The following SYTL3 variants were observed in gnomAD, a reference collection of about 807,000 sequenced individuals.
The protein encoded by SYTL3 is synaptotagmin like 3.
In SYTL3, 88 loss-of-function variants were observed where a neutral mutation model predicts 82.1. The observed-to-expected ratio is 1.07, with a 90% CI of 0.90 to 1.28. The LOEUF (loss-of-function observed/expected upper bound fraction) is 1.28, where lower values mean the gene tolerates loss of function less well. SYTL3 is among the 50% of genes most tolerant of loss of function. SYTL3 has a pLI of 0.00. For missense variants in SYTL3, 831 were observed against 757.6 expected (o/e 1.10, Z -1.14); for synonymous variants, 311 against 289.4 (o/e 1.07, Z -0.76).
chr6:158,757,266 A>T lies in SYTL3; in HGVS notation c.1193A>T (p.His398Leu), dbSNP rs1190121278. Residue 398 changes from histidine (H) to leucine (L), a missense_variant, in exon 14 of 18, where the codon CAT becomes CTT. Coordinates refer to ENST00000611299, the MANE Select transcript of SYTL3 (RefSeq NM_001242394.2). ...CGGCAGCTGCAGGTCTCGGTGTGGCATCTGGGCACGCTGGCCCGGAGAGTG... is the reference window on the plus strand; with the variant it reads ...CGGCAGCTGCAGGTCTCGGTGTGGCTTCTGGGCACGCTGGCCCGGAGAGTG... ...VTRQLQVSVW[H>L]LGTLARRVFL... 1 of 1,612,774 alleles carries T rather than the reference A, an allele frequency of 6.2e-7. No homozygotes were observed. The highest frequency in any genetic ancestry group is 1.3e-5 in the African/African-American group (1 of 74,770).
At chr6:158,728,819 TC>T (rs1326021401) in intron 11 of SYTL3, among the ~76,000 whole-genome samples, 3 of 152,150 alleles carry the variant, frequency 2.0e-5, no homozygotes, top group Non-Finnish European at 4.4e-5. Flanking sequence ...GCCACTGCAC[TC>T]CAGCCTGGGT....
At chr6:158,725,261 C>G (rs1354762712) in intron 10 of SYTL3, among the ~76,000 whole-genome samples, 2 of 152,128 alleles carry the variant, frequency 1.3e-5, no homozygotes, top group Non-Finnish European at 2.9e-5. Context: ...ATGACTATCC[C>G]AAAGCTGGAT....
chr6:158,743,028 G>A (rs1298096918), intron 11 of SYTL3, among the ~76,000 whole-genome samples: 9 of 152,144 alleles, frequency 5.9e-5, no homozygotes, highest in African/African-American at 1.4e-4. Context: ...CCATGACTTC[G>A]TAGCCTTGAA....
At chr6:158,722,351 A>C (rs1275614735) in intron 10 of SYTL3, among the ~76,000 whole-genome samples, 1 of 151,948 alleles carries the variant, frequency 6.6e-6, no homozygotes, top group Admixed American at 6.6e-5. Flanking sequence ...TTCTAGAGAT[A>C]GGGTTTTACC....
rs1409270933 is a variant in SYTL3, at chr6:158,674,092, A to AATAATAATAATAATAAT, written c.329+8481_329+8497dup. Among the ~76,000 whole-genome samples, 30 of 120,988 alleles carry AATAATAATAATAATAAT rather than the reference A, an allele frequency of 2.5e-4. No homozygotes were observed. The East Asian group carries it at 3.0e-3, about 12-fold the overall frequency. The allele number at this position is 120,988 out of a possible 152,430, so 79.4% of individuals were successfully genotyped here. A position where few individuals can be genotyped will look rare whatever the true frequency, so the allele number is the denominator to read the frequency against. On this transcript the variant is annotated intron_variant, in intron 5 of 17. Transcript: ENST00000611299. ...TAGTGAGACTGTGTCTCAAAATAAT[A>AATAATAATAATAATAAT]ATAATAATAATAATAATAATAATAA...
At chr6:158,749,617 C>G (rs1788144295) in intron 12 of SYTL3, among the ~76,000 whole-genome samples, 1 of 144,650 alleles carries the variant, frequency 6.9e-6, no homozygotes, top group Non-Finnish European at 1.5e-5. Flanking sequence ...TCCCAAGTAG[C>G]TGGGATCACA....
chr6:158,704,260 T>C (rs1486209132), intron 6 of SYTL3, among the ~76,000 whole-genome samples: 3 of 152,226 alleles, frequency 2.0e-5, no homozygotes, highest in African/African-American at 7.2e-5. Flanking sequence ...GCTGCTGTCA[T>C]AGGGCGGAAT....
At chr6:158,659,498 G>A (rs1789106226) in intron 2 of SYTL3, among the ~76,000 whole-genome samples, 1 of 152,168 alleles carries the variant, frequency 6.6e-6, no homozygotes, top group African/African-American at 2.4e-5. Context: ...TGAGATTACA[G>A]GCATGTCCCA....
intron 6 of SYTL3, among the ~76,000 whole-genome samples, chr6:158,702,910 C>T (rs1054339109): frequency 2.6e-5 from 4 of 152,136 alleles, no homozygotes; most frequent in Middle Eastern, 6.8e-3. Flanking sequence ...ATCCCAGCAC[C>T]TTGGGAGGCC....
chr6:158,762,052 A>G (rs1319244660), intron 15 of SYTL3, 24 bp from the exon 16 acceptor site: 3 of 1,567,090 alleles, frequency 1.9e-6, no homozygotes, highest in Non-Finnish European at 2.6e-6. Context: ...ATGGTTTGAC[A>G]GTGAATACTG....
intron 6 of SYTL3, among the ~76,000 whole-genome samples, chr6:158,686,081 T>C (rs1157731288): frequency 6.6e-6 from 1 of 152,218 alleles, no homozygotes; most frequent in Non-Finnish European, 1.5e-5. Context: ...TGTGTGTTTG[T>C]GCACACACGT....
chr6:158,657,566 A>T (rs548462020), intron 2 of SYTL3, among the ~76,000 whole-genome samples: 3 of 152,336 alleles, frequency 2.0e-5, no homozygotes, highest in Middle Eastern at 3.4e-3. Context: ...ACCTAGGCAT[A>T]CTTTGTCTTG....
At chr6:158,729,430 T>A (rs1785123959) in intron 11 of SYTL3, among the ~76,000 whole-genome samples, 1 of 152,144 alleles carries the variant, frequency 6.6e-6, no homozygotes, top group Non-Finnish European at 1.5e-5. Context: ...CCCACCCTCA[T>A]GACTTATTCA....
intron 6 of SYTL3, among the ~76,000 whole-genome samples, chr6:158,687,337 A>G (rs1779404129): frequency 1.3e-5 from 2 of 152,168 alleles, no homozygotes; most frequent in African/African-American, 4.8e-5. Context: ...GAGTGTCCTC[A>G]TGACATGGCG....
intron 5 of SYTL3, among the ~76,000 whole-genome samples, chr6:158,679,053 G>T (rs537920562): frequency 6.6e-6 from 1 of 152,146 alleles, no homozygotes; most frequent in Non-Finnish European, 1.5e-5. Context: ...GACTCTAAGG[G>T]CAGTGAGTGG....
chr6:158,730,170 G>T (rs1040942963), intron 11 of SYTL3, among the ~76,000 whole-genome samples: 83 of 152,070 alleles, frequency 5.5e-4, no homozygotes, highest in African/African-American at 1.9e-3. Context: ...CTTTTCCTTT[G>T]TTCTCTATTG....
intron 11 of SYTL3, among the ~76,000 whole-genome samples, chr6:158,744,571 G>A (rs905630241): frequency 2.6e-5 from 4 of 151,852 alleles, no homozygotes; most frequent in Middle Eastern, 3.4e-3. Flanking sequence ...TGCCTGCCTC[G>A]GCCTCCCGAA....
chr6:158,750,856 C>T (rs560030196), intron 12 of SYTL3, among the ~76,000 whole-genome samples: 1 of 152,234 alleles, frequency 6.6e-6, no homozygotes, highest in Non-Finnish European at 1.5e-5. Context: ...AGTGCAGTGG[C>T]GCGATCTCGG....
At position 158,742,686 on chromosome 6, in the gene SYTL3, CT is replaced by C. The variant is rs562705962; in HGVS notation, c.856-2793del. Reference sequence around the variant, plus strand: ...CGCCTCCTGGATTCAAGCTATTATCCTGCCTCAGCCTCCTGAGTAGCTGGGA... The same window carrying C: ...CGCCTCCTGGATTCAAGCTATTATCCGCCTCAGCCTCCTGAGTAGCTGGGA... On this transcript the variant is annotated intron_variant, in intron 11 of 17. Transcript: ENST00000611299. Among the ~76,000 whole-genome samples, 30 of 152,100 alleles carry C rather than the reference CT, an allele frequency of 2.0e-4. No homozygotes were observed. In the East Asian group the frequency reaches 4.8e-3, roughly 24 times the overall value.
Sources: gnomAD v4.1 joint callset for allele counts (sites outside exome capture counted in the v4.1 genomes callset) on GRCh38, gnomAD v4.1.1 for gene constraint, MANE v1.5 for transcripts, NCBI Gene and HGNC (gene_info 2026-07-23, HGNC 2026-07-21) for gene names.